PPFIA4: variants seen among roughly 807,000 people sequenced by gnomAD.
PPFIA4 encodes the protein liprin-alpha-4.
Under a neutral mutation model 145.7 loss-of-function variants are expected in PPFIA4, and 98 were observed. The observed-to-expected ratio is 0.67, with a 90% CI of 0.57 to 0.80. PPFIA4 has a LOEUF of 0.80. PPFIA4 is among the 30% of genes least tolerant of loss of function. The pLI is 0.00. For missense variants in PPFIA4, 1,457 were observed against 1,632.7 expected (o/e 0.89, Z 1.85); for synonymous variants, 628 against 649.6 (o/e 0.97, Z 0.51).
intron 1 of PPFIA4, among the ~76,000 whole-genome samples, chr1:203,029,097 G>A (rs2102600240): frequency 6.6e-6 from 1 of 152,258 alleles, no homozygotes. Flanking sequence ...GGGGGAAGGA[G>A]CTCTAAGCGA....
At chr1:203,044,499 GCTGGTT>G in intron 5 of PPFIA4, 46 bp downstream of exon 5, 8 of 1,530,068 alleles carry the variant, frequency 5.2e-6, no homozygotes, top group Non-Finnish European at 6.2e-6. Flanking sequence ...GGAAGTCCAG[GCTGGTT>G]CACCCCTGTG....
Position 203,068,308 on chromosome 1 carries a change from A to G in PPFIA4, c.3149-145A>G. The G allele has an allele frequency of 1.4e-6, 1 of 704,202 alleles. No homozygotes were observed. Among genetic ancestry groups the G allele is most frequent in the Non-Finnish European group, 2.2e-6 (1 of 458,704 alleles). 43.6% of individuals were successfully genotyped at this position (704,202 alleles called of 1,614,324 possible). A position where few individuals can be genotyped will look rare whatever the true frequency, so the allele number is the denominator to read the frequency against. The stretch of plus-strand genomic sequence containing the variant: ...CCAGGTGCCAGGGAGGAGAGAAAGA[A>G]GATATGGAAATTTAGGGATGGAGTG... On this transcript the variant is annotated intron_variant, in intron 26 of 29. Coordinates refer to ENST00000295706, the MANE Select transcript of PPFIA4 (RefSeq NM_001304331.2). The surrounding 1 kb of genome is among the most constrained non-coding windows in gnomAD (Gnocchi z 4.7).
chr1:203,033,877 G>A (rs1430698960), intron 1 of PPFIA4, among the ~76,000 whole-genome samples: 1 of 152,082 alleles, frequency 6.6e-6, no homozygotes, highest in Non-Finnish European at 1.5e-5. Context: ...CCAGCTACTC[G>A]GAGGCTGAGG....
intron 25 of PPFIA4, 74 bp from the exon 26 acceptor site, chr1:203,067,621 A>G (rs1571734277): frequency 7.7e-7 from 1 of 1,290,822 alleles, no homozygotes; most frequent in Non-Finnish European, 1.1e-6. Flanking sequence ...GCTGTGGCTG[A>G]TGCTGGATGT....
At chr1:203,046,488 C>A (rs1327344739) in intron 9 of PPFIA4, 106 bp downstream of exon 9, 2 of 1,329,210 alleles carry the variant, frequency 1.5e-6, no homozygotes, top group African/African-American at 3.0e-5. Flanking sequence ...GGCCAGGAGC[C>A]AGAAAACTGC....
chr1:203,049,874 C>A, intron 13 of PPFIA4, 107 bp downstream of exon 13: 1 of 1,015,018 alleles, frequency 9.9e-7, no homozygotes, highest in Non-Finnish European at 1.4e-6. Flanking sequence ...GGGTCCTCCT[C>A]CTGTTCAGGG....
Position 203,071,451 on chromosome 1 carries a change from T to TA in PPFIA4, c.3325-230dup, listed in dbSNP as rs796611286. ...CTCCCAAAGTGCCCGGCCACTACTT[T>TA]AAAAAAAAAAATTATGTTGTTCTAA... is the stretch of plus-strand genomic sequence containing the variant. On this transcript the variant is annotated intron_variant, in intron 27 of 29. Coordinates refer to ENST00000295706, the MANE Select transcript of PPFIA4 (RefSeq NM_001304331.2). Among the ~76,000 whole-genome samples the TA allele has an allele frequency of 4.6e-4, 34 of 73,618 alleles. No individual in the cohort carries two copies. In the East Asian group the frequency reaches 7.8e-3, roughly 17 times the overall value. The allele number at this position is 73,618 out of a possible 152,430, so 48.3% of individuals were successfully genotyped here. A position where few individuals can be genotyped will look rare whatever the true frequency, so the allele number is the denominator to read the frequency against.
chr1:203,035,577 C>T (rs769802798), intron 1 of PPFIA4: 22 of 456,770 alleles, frequency 4.8e-5, no homozygotes, highest in South Asian at 9.3e-5. Context: ...CACTCCTCCC[C>T]GGCAAAGCCC....
chr1:203,054,613 G>C (rs1660774318), intron 15 of PPFIA4, among the ~76,000 whole-genome samples: 1 of 151,558 alleles, frequency 6.6e-6, no homozygotes, highest in Non-Finnish European at 1.5e-5. Flanking sequence ...AGCTTTATAA[G>C]CTGTACAGGA....
chr1:203,066,262 A>G (rs2102684337), intron 25 of PPFIA4, among the ~76,000 whole-genome samples: 1 of 152,324 alleles, frequency 6.6e-6, no homozygotes, highest in African/African-American at 2.4e-5. Context: ...CTTGAGCAAC[A>G]TAAGGGTGGC....
At chr1:203,033,483 G>A (rs766107053) in intron 1 of PPFIA4, among the ~76,000 whole-genome samples, 3 of 152,198 alleles carry the variant, frequency 2.0e-5, no homozygotes, top group Non-Finnish European at 4.4e-5. Context: ...GCTGGGTGCT[G>A]ATCTCAGCAC....
chr1:203,069,615 A>G (rs1661988892), intron 27 of PPFIA4, among the ~76,000 whole-genome samples: 1 of 152,160 alleles, frequency 6.6e-6, no homozygotes, highest in Admixed American at 6.5e-5. Flanking sequence ...CCAGAGCTGC[A>G]CAGGCTATTC....
At position 203,048,389 on chromosome 1, in the gene PPFIA4, G is replaced by A. The variant is rs535612975; in HGVS notation, c.1224+79G>A. On this transcript the variant is annotated intron_variant, in intron 10 of 29. Transcript: ENST00000295706. The surrounding 1 kb of genome is among the most constrained non-coding windows in gnomAD (Gnocchi z 5.8). ...CCAGGGCGGTCTGTGGAAGGGGCAC[G>A]GAGGAAGGGCCTGGCCAGGGACACA... 3.0e-5 allele frequency: 46 copies of A among 1,532,044 alleles called. No homozygotes were observed. Among genetic ancestry groups the A allele is most frequent in the South Asian group, 1.5e-4 (13 of 85,178 alleles). 94.9% of individuals were successfully genotyped at this position (1,532,044 alleles called of 1,614,324 possible).
rs981328549 is a variant in PPFIA4 at position 203,057,053 on chromosome 1, T to G, written c.2407+103T>G. On this transcript the variant is annotated intron_variant, in intron 19 of 29. Coordinates refer to ENST00000295706, the MANE Select transcript of PPFIA4 (RefSeq NM_001304331.2). ...TCTCTGCCTGCGTCCCAGGGACCAGTTGGGGGAAGCCCCAGGCAGGTTACC... is the reference window on the plus strand; with the variant it reads ...TCTCTGCCTGCGTCCCAGGGACCAGGTGGGGGAAGCCCCAGGCAGGTTACC... 1.3e-5 allele frequency: 20 copies of G among 1,554,932 alleles called. No individual in the cohort carries two copies. In the Admixed American group the frequency reaches 3.6e-4, roughly 28 times the overall value.
intron 9 of PPFIA4, among the ~76,000 whole-genome samples, chr1:203,046,934 C>T (rs1390478318): frequency 1.3e-5 from 2 of 152,138 alleles, no homozygotes; most frequent in Admixed American, 1.3e-4. Flanking sequence ...TTAATGGATA[C>T]TTTATGAAGT....
At chr1:203,037,202 G>C in intron 1 of PPFIA4, 1 of 373,218 alleles carries the variant, frequency 2.7e-6, no homozygotes, top group Non-Finnish European at 5.6e-6. Context: ...AGGGGGTCCA[G>C]GTAGGAGAGG....
chr1:203,032,527 GC>G (rs1400740900), intron 1 of PPFIA4, among the ~76,000 whole-genome samples: 4 of 150,842 alleles, frequency 2.7e-5, no homozygotes, highest in Non-Finnish European at 4.4e-5. Flanking sequence ...CATCTCCTAG[GC>G]TTAAGTGATC....
chr1:203,056,187 G>A lies in PPFIA4; in HGVS notation c.2106+32G>A, dbSNP rs872415. 322 of 1,613,668 alleles carry A rather than the reference G, an allele frequency of 2.0e-4. 1 individual carries two copies. In the African/African-American group the frequency reaches 3.8e-3, roughly 19 times the overall value. Reference sequence around the variant, plus strand: ...GCTGCCTGATGGCCCAGGTACTAACGGGTTCACTGCTCCCATGCCCTTTCC... The same window carrying A: ...GCTGCCTGATGGCCCAGGTACTAACAGGTTCACTGCTCCCATGCCCTTTCC... On this transcript the variant is annotated intron_variant, in intron 17 of 29. Transcript: ENST00000295706.
chr1:203,060,162 C>T lies in PPFIA4; in HGVS notation c.2584-55C>T. 6.3e-7 allele frequency: 1 copy of T among 1,578,984 alleles called. No individual in the cohort carries two copies. The highest frequency in any genetic ancestry group is 8.6e-7 in the Non-Finnish European group (1 of 1,157,242). On this transcript the variant is annotated intron_variant, in intron 21 of 29. Coordinates refer to ENST00000295706, the MANE Select transcript of PPFIA4 (RefSeq NM_001304331.2). This position sits in a 1 kb window ranked among gnomAD's most constrained non-coding sequence, Gnocchi z 4.8. ...GCCCTTGCCCCTTGCTGTTGCCAAA[C>T]TCTTGGTGGTAGGGCCCAGGCCTTG...
Sources: allele counts gnomAD v4.1 joint callset (sites outside exome capture counted in the v4.1 genomes callset), GRCh38; gene constraint gnomAD v4.1.1; non-coding constraint Gnocchi (gnomAD v3.1); transcripts MANE v1.5; gene names NCBI Gene and HGNC (gene_info 2026-07-23, HGNC 2026-07-21).